Variants in CATSPERT observed in about 807,000 individuals in gnomAD.
The protein encoded by CATSPERT is catsper channel auxiliary subunit tau.
chr2:201,519,460 C>T, the CATSPERT span, among the ~76,000 whole-genome samples: 16 of 151,722 alleles, frequency 1.1e-4, no homozygotes, highest in Non-Finnish European at 1.9e-4. Context: ...CATGAAAAAG[C>T]AAGGAAACAT....
chr2:201,495,527 A>G, the CATSPERT span, among the ~76,000 whole-genome samples: 2 of 152,164 alleles, frequency 1.3e-5, no homozygotes, highest in African/African-American at 4.8e-5. Flanking sequence ...CTTCTGTGTT[A>G]TCTAACTAAA....
At chr2:201,563,274 GGC>G in the CATSPERT span, among the ~76,000 whole-genome samples, 1 of 143,862 alleles carries the variant, frequency 7.0e-6, no homozygotes, top group Non-Finnish European at 1.5e-5. Flanking sequence ...GCCGGGCAGA[GGC>G]GCCCCTCACC....
chr2:201,583,009 T>A, the CATSPERT span, among the ~76,000 whole-genome samples: 2 of 152,326 alleles, frequency 1.3e-5, no homozygotes, highest in Non-Finnish European at 2.9e-5. Flanking sequence ...GGCATCTTGA[T>A]TATTGGAAAC....
the CATSPERT span, chr2:201,536,391 A>G: frequency 6.7e-7 from 1 of 1,486,966 alleles, no homozygotes; most frequent in Non-Finnish European, 9.0e-7. Flanking sequence ...AAATTAAGAA[A>G]ATGACTCAAA....
At chr2:201,513,233 T>C in the CATSPERT span, among the ~76,000 whole-genome samples, 9 of 151,626 alleles carry the variant, frequency 5.9e-5, no homozygotes, top group African/African-American at 1.5e-4. Flanking sequence ...ATGTAAACAA[T>C]TGAACAAACA....
At chr2:201,566,501 C>T in the CATSPERT span, among the ~76,000 whole-genome samples, 2 of 151,892 alleles carry the variant, frequency 1.3e-5, no homozygotes, top group South Asian at 4.2e-4. Context: ...TGAAGGTTTC[C>T]AGCTTCACCC....
At chr2:201,561,842 C>A in the CATSPERT span, among the ~76,000 whole-genome samples, 1 of 151,710 alleles carries the variant, frequency 6.6e-6, no homozygotes, top group Admixed American at 6.6e-5. Context: ...CCACTGCACT[C>A]CCGCCTGGGT....
chr2:201,493,051 C>G, the CATSPERT span: 1 of 1,535,952 alleles, frequency 6.5e-7, no homozygotes, highest in South Asian at 1.2e-5. Flanking sequence ...TTGAATTAGT[C>G]TTTCTAATTC....
chr2:201,571,943 C>CA, the CATSPERT span: 1 of 1,612,618 alleles, frequency 6.2e-7, no homozygotes, highest in South Asian at 1.1e-5. Flanking sequence ...ACACTTACGT[C>CA]ACGGGATCTG....
At chr2:201,551,657 A>AC in the CATSPERT span, among the ~76,000 whole-genome samples, 1 of 152,122 alleles carries the variant, frequency 6.6e-6, no homozygotes, top group Non-Finnish European at 1.5e-5. Context: ...TCTGCGTGAG[A>AC]CGTCTCTCCA....
At chr2:201,571,859 AC>A in the CATSPERT span, 51 of 1,306,160 alleles carry the variant, frequency 3.9e-5, no homozygotes, top group Non-Finnish European at 5.4e-5. Flanking sequence ...AAATAACTCC[AC>A]CAAAATGCTC....
chr2:201,535,063 A>T, the CATSPERT span: 1 of 864,084 alleles, frequency 1.2e-6, no homozygotes, highest in Non-Finnish European at 1.4e-6. Flanking sequence ...ATTTCTCTCC[A>T]TTTTCTAAAT....
chr2:201,534,491 T>C, the CATSPERT span: 8 of 983,102 alleles, frequency 8.1e-6, no homozygotes, highest in African/African-American at 1.8e-5. Flanking sequence ...AAGTGGTTAA[T>C]ATCTTGAAAA....
At chr2:201,552,058 T>TCGGCCC in the CATSPERT span, among the ~76,000 whole-genome samples, 1 of 151,904 alleles carries the variant, frequency 6.6e-6, no homozygotes, top group Non-Finnish European at 1.5e-5. Flanking sequence ...TGGTGCGATC[T>TCGGCCC]CGGCCCCGTG....
the CATSPERT span, chr2:201,547,565 T>C: frequency 6.4e-7 from 1 of 1,554,108 alleles, no homozygotes; most frequent in Non-Finnish European, 8.7e-7. Context: ...TAGCTTTATC[T>C]ATCCATGTAT....
the CATSPERT span, among the ~76,000 whole-genome samples, chr2:201,599,347 A>T: frequency 1.3e-5 from 2 of 151,850 alleles, no homozygotes; most frequent in Admixed American, 6.6e-5. Context: ...TAACATGTTT[A>T]TATTATTCAT....
the CATSPERT span, among the ~76,000 whole-genome samples, chr2:201,594,441 C>G: frequency 1.3e-5 from 2 of 152,202 alleles, no homozygotes; most frequent in Non-Finnish European, 2.9e-5. Flanking sequence ...TTTGGTGAAT[C>G]TGACCATTAT....
the CATSPERT span, among the ~76,000 whole-genome samples, chr2:201,591,776 GCTCT>G: frequency 6.6e-6 from 1 of 151,824 alleles, no homozygotes; most frequent in Non-Finnish European, 1.5e-5. Flanking sequence ...TCATGATTTG[GCTCT>G]CTGTTTGTCT....
the CATSPERT span, among the ~76,000 whole-genome samples, chr2:201,503,324 C>T: frequency 6.6e-6 from 1 of 152,166 alleles, no homozygotes. Flanking sequence ...AACCCCAGGG[C>T]TCAAATGATC....
Sources: gnomAD v4.1 joint callset for allele counts (sites outside exome capture counted in the v4.1 genomes callset) on GRCh38, gnomAD v4.1.1 for gene constraint, MANE v1.5 for transcripts, NCBI Gene and HGNC (gene_info 2026-07-23, HGNC 2026-07-21) for gene names.